Variants in ACCSL observed in about 807,000 individuals in gnomAD.
ACCSL encodes the protein 1-aminocyclopropane-1-carboxylate synthase homolog (inactive) like, also known as probable inactive 1-aminocyclopropane-1-carboxylate synthase-like protein 2.
Under a neutral mutation model 61.7 loss-of-function variants are expected in ACCSL, and 55 were observed. The observed-to-expected ratio is 0.89, with a 90% CI of 0.72 to 1.12. The LOEUF is 1.12. Among genes scored for constraint, ACCSL ranks in the 50% most tolerant of loss-of-function variants. The probability of loss-of-function intolerance (pLI) is 0.00; values close to 1 mark genes in which losing one functional copy is unlikely to be tolerated. For missense variants in ACCSL, 632 were observed against 698.0 expected, an observed-to-expected ratio of 0.91 and a Z score of 1.07; for synonymous variants, 258 against 264.3, an observed-to-expected ratio of 0.98 and a Z score of 0.23.
At chr11:43,925,844 TCTTG>T in the ACCSL span, among the ~76,000 whole-genome samples, 2 of 152,074 alleles carry the variant, frequency 1.3e-5, no homozygotes, top group African/African-American at 4.8e-5. Flanking sequence ...AGCAGCCCCC[TCTTG>T]GCGGTCCTGT....
the ACCSL span, chr11:43,943,744 G>A: frequency 2.2e-5 from 29 of 1,304,406 alleles, no homozygotes; most frequent in African/African-American, 2.4e-4. The surrounding 1 kb of genome is among the most constrained non-coding windows in gnomAD (Gnocchi z 4.8). Context: ...GCGCAGCGCG[G>A]CTGCTACTGC....
the ACCSL span, among the ~76,000 whole-genome samples, chr11:44,040,176 G>T: frequency 6.6e-6 from 1 of 152,208 alleles, no homozygotes; most frequent in East Asian, 1.9e-4. Flanking sequence ...GACCTCCTCA[G>T]ATATGGGGAA....
the ACCSL span, among the ~76,000 whole-genome samples, chr11:43,960,148 G>T: frequency 1.3e-5 from 2 of 152,124 alleles, no homozygotes; most frequent in Admixed American, 1.3e-4. Context: ...TGGCACCCAG[G>T]AGACTGCTAT....
Position 44,048,118 on chromosome 11 carries a change from C to T in ACCSL, c.82C>T (p.Gln28Ter), listed in dbSNP as rs1399873542. 1 of 1,614,062 alleles carries T rather than the reference C, an allele frequency of 6.2e-7. No homozygotes were observed. Among genetic ancestry groups the T allele is most frequent in the Non-Finnish European group, 8.5e-7 (1 of 1,180,042 alleles). The change falls in exon 1 of 14, where the codon CAG (glutamine) becomes TAG (stop). Residue 28 changes from glutamine to a stop codon, truncating the protein, a stop_gained. Coordinates refer to ENST00000378832, the MANE Select transcript of ACCSL (RefSeq NM_001031854.2). LOFTEE classifies it high-confidence loss of function. ...RVPRDHSIYT[Q>*]LLEITLHLQQ... is the part of the protein sequence containing the mutation. Reference sequence around the variant, plus strand: ...CCCCAGAGACCACAGCATCTATACCCAGCTGTTGGAGATAACGCTGCACTT... The same window carrying T: ...CCCCAGAGACCACAGCATCTATACCTAGCTGTTGGAGATAACGCTGCACTT...
upstream of ACCSL, among the ~76,000 whole-genome samples, chr11:44,043,616 G>C (rs1391841532): frequency 6.6e-6 from 1 of 152,110 alleles, no homozygotes; most frequent in Non-Finnish European, 1.5e-5. Context: ...ATCTAGCACT[G>C]AAGATACAGC....
intron 8 of ACCSL, among the ~76,000 whole-genome samples, chr11:44,054,081 G>T (rs60067277): frequency 0.022 from 3,402 of 152,180 alleles, 107 homozygotes; most frequent in African/African-American, 0.07. Context: ...TATATAATTT[G>T]TTACTTCTCT....
chr11:43,968,976 T>G, the ACCSL span, among the ~76,000 whole-genome samples: 1 of 152,192 alleles, frequency 6.6e-6, no homozygotes, highest in Admixed American at 6.5e-5. Context: ...CTACTGCCCT[T>G]AGATTCCTAC....
At chr11:44,035,665 C>A in the ACCSL span, among the ~76,000 whole-genome samples, 9 of 152,028 alleles carry the variant, frequency 5.9e-5, no homozygotes, top group Non-Finnish European at 1.2e-4. Context: ...GGGCAGGGCA[C>A]GGTGGCTCAG....
the ACCSL span, among the ~76,000 whole-genome samples, chr11:43,954,551 T>C: frequency 5.3e-5 from 8 of 151,996 alleles, no homozygotes; most frequent in African/African-American, 1.9e-4. Flanking sequence ...GTTCTCTACC[T>C]GGCTGGTGCC....
chr11:43,971,578 T>G, the ACCSL span: 150,149 of 152,320 alleles, frequency 0.99, 74,034 homozygotes, highest in African/African-American at 1. Flanking sequence ...TATTGCTTCC[T>G]ACTATGTCAT....
At chr11:43,945,753 G>A in the ACCSL span, 6 of 152,198 alleles carry the variant, frequency 3.9e-5, no homozygotes, top group Non-Finnish European at 8.8e-5. Flanking sequence ...GAGGCTGAGG[G>A]GAGAGGATCA....
chr11:44,053,188 C>G, intron 7 of ACCSL, 120 bp downstream of exon 7: 2 of 946,768 alleles, frequency 2.1e-6, no homozygotes, highest in East Asian at 2.6e-5. Flanking sequence ...TTGGAAGAGA[C>G]AGTAAATGAT....
At chr11:43,959,829 AC>A in the ACCSL span, among the ~76,000 whole-genome samples, 29 of 151,954 alleles carry the variant, frequency 1.9e-4, 1 homozygote, top group South Asian at 5.4e-3. Flanking sequence ...AGACCACAGC[AC>A]CCCCACCCCA....
chr11:43,933,147 G>A, the ACCSL span: 1 of 456,242 alleles, frequency 2.2e-6, no homozygotes, highest in East Asian at 6.9e-5. Flanking sequence ...GGAGCATAAG[G>A]TAAGTCCCTC....
At chr11:43,960,915 T>C in the ACCSL span, among the ~76,000 whole-genome samples, 18 of 152,100 alleles carry the variant, frequency 1.2e-4, no homozygotes, top group Non-Finnish European at 2.2e-4. Context: ...GCTTCCTGGG[T>C]TCAAGCGATT....
intron 11 of ACCSL, among the ~76,000 whole-genome samples, chr11:44,057,178 C>T (rs113738560): frequency 2.0e-5 from 3 of 152,164 alleles, no homozygotes; most frequent in South Asian, 4.1e-4. Flanking sequence ...GAATGCTGGC[C>T]TCAGAAGGGA....
At chr11:44,031,727 C>T in the ACCSL span, among the ~76,000 whole-genome samples, 9 of 152,156 alleles carry the variant, frequency 5.9e-5, no homozygotes, top group African/African-American at 1.9e-4. Context: ...CCAAAGTAGA[C>T]TGATGGAGGA....
chr11:44,037,438 G>A, the ACCSL span, among the ~76,000 whole-genome samples: 3 of 152,182 alleles, frequency 2.0e-5, no homozygotes, highest in Non-Finnish European at 2.9e-5. Context: ...CGCGGATGGC[G>A]CACTGGCTGC....
At chr11:44,019,602 CTTG>C in the ACCSL span, among the ~76,000 whole-genome samples, 1 of 152,158 alleles carries the variant, frequency 6.6e-6, no homozygotes, top group Middle Eastern at 3.4e-3. Context: ...GGTTATTTGT[CTTG>C]TTATTACTGA....
Sources: gnomAD v4.1 joint callset for allele counts (sites outside exome capture counted in the v4.1 genomes callset) on GRCh38, gnomAD v4.1.1 for gene constraint, Gnocchi (gnomAD v3.1) non-coding constraint, MANE v1.5 for transcripts, NCBI Gene and HGNC (gene_info 2026-07-23, HGNC 2026-07-21) for gene names.